Variants in GPD2 observed in about 807,000 individuals in gnomAD.
The protein encoded by GPD2 is glycerol-3-phosphate dehydrogenase, mitochondrial.
A neutral mutation model predicts 82.4 loss-of-function variants in GPD2; 54 were observed. The ratio of observed to expected loss-of-function variants is 0.66; its 90% confidence interval spans 0.53 to 0.82. The LOEUF is 0.82. GPD2 is among the 40% of genes least tolerant of loss of function. The pLI, the probability that GPD2 is intolerant of heterozygous loss-of-function variation, is 0.00. For missense variants in GPD2, 748 were observed against 896.2 expected, an observed-to-expected ratio of 0.83 and a Z score of 2.11; for synonymous variants, 288 against 306.1, an observed-to-expected ratio of 0.94 and a Z score of 0.62.
the GPD2 span, among the ~76,000 whole-genome samples, chr2:156,402,761 C>T: frequency 2.0e-5 from 3 of 152,004 alleles, no homozygotes; most frequent in Non-Finnish European, 4.4e-5. Context: ...AGCAATCCTC[C>T]CTGCTCTGTC....
intron 2 of GPD2, among the ~76,000 whole-genome samples, chr2:156,478,259 G>T (rs1239914149): frequency 1.3e-5 from 2 of 152,150 alleles, no homozygotes; most frequent in African/African-American, 4.8e-5. Flanking sequence ...TATCTTTCCT[G>T]AGTTAGACAT....
intron 2 of GPD2, among the ~76,000 whole-genome samples, chr2:156,480,421 A>G (rs532952054): frequency 1.4e-5 from 2 of 140,770 alleles, no homozygotes; most frequent in Non-Finnish European, 3.0e-5. Flanking sequence ...TTATAGCCCA[A>G]CGGCACTGTT....
the GPD2 span, among the ~76,000 whole-genome samples, chr2:156,427,509 G>C: frequency 2.0e-5 from 3 of 152,232 alleles, no homozygotes; most frequent in East Asian, 3.9e-4. Flanking sequence ...ATTTTACAAG[G>C]CTTTGGTATT....
chr2:156,581,713 T>G (rs1327799178), intron 16 of GPD2, among the ~76,000 whole-genome samples: 1 of 152,092 alleles, frequency 6.6e-6, no homozygotes, highest in Non-Finnish European at 1.5e-5. Context: ...ATGACTTTAT[T>G]TCTAAGTCTG....
upstream of GPD2, among the ~76,000 whole-genome samples, chr2:156,432,817 G>A (rs1688332368): frequency 6.6e-6 from 1 of 152,176 alleles, no homozygotes; most frequent in Non-Finnish European, 1.5e-5. Flanking sequence ...GCACGGTCTT[G>A]AAAAAGAAGA....
intron 9 of GPD2, among the ~76,000 whole-genome samples, chr2:156,561,039 G>GTTTT (rs1491213527): frequency 5.1e-5 from 1 of 19,524 alleles, no homozygotes; most frequent in African/African-American, 1.4e-4. Flanking sequence ...GTGACATTAA[G>GTTTT]CTTTTTTTTT....
intron 1 of GPD2, among the ~76,000 whole-genome samples, chr2:156,444,786 C>T (rs1682301977): frequency 6.6e-6 from 1 of 152,156 alleles, no homozygotes; most frequent in East Asian, 1.9e-4. Context: ...GAGTCTTGCT[C>T]TGCTGCCCAG....
At chr2:156,414,293 CATAA>C in the GPD2 span, among the ~76,000 whole-genome samples, 5 of 152,132 alleles carry the variant, frequency 3.3e-5, no homozygotes, top group African/African-American at 1.2e-4. Flanking sequence ...TGTTGTTGAA[CATAA>C]ATAACGTATA....
intron 13 of GPD2, among the ~76,000 whole-genome samples, chr2:156,574,306 T>A (rs1687740956): frequency 6.6e-6 from 1 of 152,142 alleles, no homozygotes; most frequent in Non-Finnish European, 1.5e-5. Flanking sequence ...AAATTCTGAG[T>A]TAAACAAGTA....
At chr2:156,420,837 A>G in the GPD2 span, among the ~76,000 whole-genome samples, 1 of 152,186 alleles carries the variant, frequency 6.6e-6, no homozygotes, top group African/African-American at 2.4e-5. Flanking sequence ...ATGCCACAGG[A>G]TGCTAGAAAG....
intron 6 of GPD2, 125 bp from the exon 7 acceptor site, chr2:156,549,483 C>T (rs1211865081): frequency 5.8e-6 from 5 of 867,314 alleles, no homozygotes; most frequent in Non-Finnish European, 9.9e-6. Flanking sequence ...TCAAGCTGCC[C>T]AGCCATCATG....
At chr2:156,517,431 A>G (rs1455076813) in intron 6 of GPD2, among the ~76,000 whole-genome samples, 1 of 152,276 alleles carries the variant, frequency 6.6e-6, no homozygotes, top group African/African-American at 2.4e-5. Context: ...TGAAATCCAT[A>G]TGAAATGAAA....
chr2:156,416,514 GTT>G, the GPD2 span, among the ~76,000 whole-genome samples: 1,143 of 117,942 alleles, frequency 9.7e-3, 17 homozygotes, highest in African/African-American at 0.026. Context: ...TGCCCAGCTA[GTT>G]TTTTTTTTTT....
chr2:156,577,118 A>G (rs1313398822), intron 13 of GPD2, among the ~76,000 whole-genome samples: 1 of 152,248 alleles, frequency 6.6e-6, no homozygotes, highest in African/African-American at 2.4e-5. Context: ...TTATTTAAGA[A>G]CATGAAGGAA....
chr2:156,527,676 A>G (rs1685664648), intron 6 of GPD2, among the ~76,000 whole-genome samples: 1 of 152,158 alleles, frequency 6.6e-6, no homozygotes, highest in African/African-American at 2.4e-5. Flanking sequence ...AAAAAAGTAT[A>G]TAATAATGAA....
chr2:156,417,529 T>G, the GPD2 span, among the ~76,000 whole-genome samples: 1 of 152,182 alleles, frequency 6.6e-6, no homozygotes, highest in Admixed American at 6.5e-5. Flanking sequence ...ACATATTTAT[T>G]GAGCACCTAT....
chr2:156,557,718 T>A (rs1303946904), intron 9 of GPD2, 136 bp downstream of exon 9: 4 of 696,260 alleles, frequency 5.7e-6, no homozygotes, highest in Admixed American at 2.1e-5. Flanking sequence ...AGAACATTTA[T>A]GAGGGCCAAA....
chr2:156,535,423 A>T (rs1686037620), intron 6 of GPD2, among the ~76,000 whole-genome samples: 1 of 71,344 alleles, frequency 1.4e-5, no homozygotes, highest in African/African-American at 5.0e-5. Context: ...GACCTAGGAA[A>T]GAGAGGGGGG....
Position 156,540,123 on chromosome 2 carries a change from A to C in GPD2, c.662-9485A>C, listed in dbSNP as rs373494270. Among the ~76,000 whole-genome samples the C allele has an allele frequency of 9.3e-4, 141 of 152,292 alleles. 1 individual carries two copies. The South Asian group carries it at 0.028, about 31-fold the overall frequency. ...AGACAGAGACCTAGCTTGAAAAATAAGGGACTAAATATGATTTGTAGCAAC... is the reference window on the plus strand; with the variant it reads ...AGACAGAGACCTAGCTTGAAAAATACGGGACTAAATATGATTTGTAGCAAC... On this transcript the variant is annotated intron_variant, in intron 6 of 16. Coordinates refer to ENST00000438166, the MANE Select transcript of GPD2 (RefSeq NM_000408.5).
Sources: gnomAD v4.1 joint callset for allele counts (sites outside exome capture counted in the v4.1 genomes callset) on GRCh38, gnomAD v4.1.1 for gene constraint, MANE v1.5 for transcripts, NCBI Gene and HGNC (gene_info 2026-07-23, HGNC 2026-07-21) for gene names.